The following HPS1 variants were observed in gnomAD, a reference collection of about 807,000 sequenced individuals.
The protein encoded by HPS1 is HPS1 biogenesis of lysosomal organelles complex 3 subunit 1.
HPS1 carries 59 observed loss-of-function variants against 90.6 expected under a neutral mutation model. The ratio of observed to expected loss-of-function variants is 0.65; its 90% CI spans 0.53 to 0.81. The LOEUF is 0.81. HPS1 is among the 30% of genes least tolerant of loss of function. The probability of loss-of-function intolerance (pLI) is 0.00; values close to 1 mark genes in which losing one functional copy is unlikely to be tolerated. For synonymous variants in HPS1, 388 were observed against 384.4 expected, an observed-to-expected ratio of 1.01 and a Z score of -0.11; for missense variants, 849 against 896.7, an observed-to-expected ratio of 0.95 and a Z score of 0.68.
rs1482274657 is a variant in HPS1, at chr10:98,417,131, T to C, written c.*433A>G. ...TTTAAACGTGGGGAATAGAAGAAAC[T>C]TGCCAGGAGGTGCAGAGAGGAAGTG... On this transcript the variant is annotated 3_prime_UTR_variant, in exon 20 of 20. Transcript: ENST00000361490. This position sits in a 1 kb window ranked among gnomAD's most constrained non-coding sequence, Gnocchi z 4.2. 6.3e-6 allele frequency: 1 copy of C among 158,986 alleles called. No individual in the cohort carries two copies. The highest frequency in any genetic ancestry group is 6.3e-5 in the Admixed American group (1 of 15,976). The allele number at this position is 158,986 out of a possible 1,614,324, so 9.8% of individuals were successfully genotyped here.
chr10:98,430,742 T>A, intron 7 of HPS1, 72 bp from the exon 8 acceptor site: 1 of 1,271,142 alleles, frequency 7.9e-7, no homozygotes, highest in Non-Finnish European at 1.1e-6. Context: ...GTTAAAGGAG[T>A]GTGGAGCCTG....
At chr10:98,430,539 G>A (rs1264414364) in intron 8 of HPS1, 32 bp downstream of exon 8, 1 of 1,513,178 alleles carries the variant, frequency 6.6e-7, no homozygotes, top group Non-Finnish European at 9.0e-7. Context: ...CTCCCTAATG[G>A]CCTCCCTCTG....
chr10:98,420,025 A>T lies in HPS1; in HGVS notation c.1857+20T>A, dbSNP rs1397644627. 1 of 1,494,580 alleles carries T rather than the reference A, an allele frequency of 6.7e-7. No homozygotes were observed. Among genetic ancestry groups the T allele is most frequent in the Non-Finnish European group, 9.3e-7 (1 of 1,071,060 alleles). The allele number at this position is 1,494,580 out of a possible 1,614,324, so 92.6% of individuals were successfully genotyped here. Reference sequence around the variant, plus strand: ...AAGTGTGTGTGGCCCGTCCTGGCCCAGGGACTCAGCCTCACCTACCATGTC... The same window carrying T: ...AAGTGTGTGTGGCCCGTCCTGGCCCTGGGACTCAGCCTCACCTACCATGTC... On this transcript the variant is annotated intron_variant, in intron 18 of 19. Transcript: ENST00000361490.
At position 98,443,178 on chromosome 10, in the gene HPS1, C is replaced by A; in HGVS notation, c.63G>T (p.Glu21Asp). The change falls in exon 3 of 20, where the codon GAG becomes GAT. Residue 21 changes from glutamate (E) to aspartate (D), a missense_variant. Physicochemically the swap from Glu to Asp is conservative, Grantham distance 45. Coordinates refer to ENST00000361490, the MANE Select transcript of HPS1 (RefSeq NM_000195.5). ...ACTTCAGCCGGAGACTCTCTTCAAACTCCTGATCTGTCCAGTAGAAGAGGA... is the reference window on the plus strand; with the variant it reads ...ACTTCAGCCGGAGACTCTCTTCAAAATCCTGATCTGTCCAGTAGAAGAGGA... ...AEVLFYWTDQ[E>D]FEESLRLKFG... The A allele has an allele frequency of 1.2e-6, 2 of 1,614,170 alleles. No homozygotes were observed. Among genetic ancestry groups the A allele is most frequent in the African/African-American group, 1.3e-5 (1 of 75,054 alleles).
At chr10:98,430,323 T>C (rs773420005) in intron 8 of HPS1, among the ~76,000 whole-genome samples, 6 of 152,096 alleles carry the variant, frequency 3.9e-5, no homozygotes, top group Non-Finnish European at 7.4e-5. Flanking sequence ...CACAGCCAGG[T>C]GTTGAAGCTG....
At chr10:98,418,600 G>A (rs141931072) in intron 18 of HPS1, among the ~76,000 whole-genome samples, 361 of 152,344 alleles carry the variant, frequency 2.4e-3, no homozygotes, top group African/African-American at 7.9e-3. Flanking sequence ...CCTCTGCTCT[G>A]AAAGAATTGG....
chr10:98,429,594 A>T lies in HPS1; in HGVS notation c.916T>A (p.Ser306Thr). 6.2e-7 allele frequency: 1 copy of T among 1,614,150 alleles called. No individual in the cohort carries two copies. The highest frequency in any genetic ancestry group is 8.5e-7 in the Non-Finnish European group (1 of 1,180,018). Residue 306 changes from serine (S) to threonine (T), a missense_variant, in exon 10 of 20, where the codon TCC becomes ACC. Physicochemically the swap from Ser to Thr is moderately conservative, Grantham distance 58 (BLOSUM62 1). Coordinates refer to ENST00000361490, the MANE Select transcript of HPS1 (RefSeq NM_000195.5). ...LPEEYFTPAP[S>T]PGDQSSGSTI... ...TCACCTGAGCTCTGATCGCCAGGGG[A>T]AGGAGCTGGTGTGAAGTACTCCTCA...
At position 98,417,714 on chromosome 10, in the gene HPS1, G is replaced by T. The variant is rs2136079182; in HGVS notation, c.1953C>A (p.Arg651=). The change falls in exon 20 of 20, where the codon CGC becomes CGA. Residue 651 remains arginine, a synonymous_variant. Transcript: ENST00000361490. This position sits in a 1 kb window ranked among gnomAD's most constrained non-coding sequence, Gnocchi z 4.2. ...CGGTTGGGCGGTTCTTGCTGTAGTA[G>T]CGCAGGAGCTTCCTGGGGAGGAAGG... ...LGGDYYRKLL[R]YYSKNRPTEA... The T allele has an allele frequency of 1.2e-6, 2 of 1,613,804 alleles. No individual in the cohort carries two copies. The highest frequency in any genetic ancestry group is 1.7e-6 in the Non-Finnish European group (2 of 1,179,910).
chr10:98,433,948 T>C, intron 6 of HPS1, 35 bp downstream of exon 6: 1 of 1,550,380 alleles, frequency 6.5e-7, no homozygotes, highest in Non-Finnish European at 8.7e-7. Context: ...ACCTGACAGC[T>C]TCAAGTCCTG....
rs1886728 is a variant in HPS1, at chr10:98,433,922, G to C, written c.507+61C>G. On this transcript the variant is annotated intron_variant, in intron 6 of 19. Coordinates refer to ENST00000361490, the MANE Select transcript of HPS1 (RefSeq NM_000195.5). ...TTAGGGTTAAAACATGGTCTTAAAG[G>C]TGGACGCCCCCTCTGACCTGACAGC... 0.61 allele frequency: 949,496 copies of C among 1,544,292 alleles called. 294,335 individuals are homozygous for C. Among genetic ancestry groups the C allele is most frequent in the South Asian group, 0.78 (64,826 of 83,392 alleles).
At position 98,435,735 on chromosome 10, in the gene HPS1, G is replaced by A; in HGVS notation, c.155C>T (p.Ala52Val). 1 of 1,614,240 alleles carries A rather than the reference G, an allele frequency of 6.2e-7. No homozygotes were observed. The highest frequency in any genetic ancestry group is 1.1e-5 in the South Asian group (1 of 91,084). ...ALEDQLSTLLAPVIISSMTML... is the reference protein window; with the variant it reads ...ALEDQLSTLLVPVIISSMTML... ...CGTCATGGAGGAGATGATGACCGGG[G>A]CTAGGAGGGTGCTGAGCTGGTCCTC... The change falls in exon 4 of 20, where the codon GCC becomes GTC. Residue 52 changes from alanine to valine, a missense_variant. Transcript: ENST00000361490. The surrounding 1 kb of genome is among the most constrained non-coding windows in gnomAD (Gnocchi z 4.3).
downstream of HPS1, chr10:98,414,036 G>GTATATA (rs1337658771): frequency 6.6e-6 from 1 of 151,614 alleles, no homozygotes; most frequent in Non-Finnish European, 1.5e-5. Context: ...GTGTATATGT[G>GTATATA]TATATATATG....
intron 15 of HPS1, 37 bp downstream of exon 15, chr10:98,423,716 C>A (rs1564834650): frequency 6.2e-7 from 1 of 1,614,104 alleles, no homozygotes; most frequent in East Asian, 2.2e-5. Flanking sequence ...GGCCCCAGAC[C>A]CTGCCCTGGC....
chr10:98,423,535 G>T, intron 16 of HPS1, 68 bp downstream of exon 16: 1 of 1,425,462 alleles, frequency 7.0e-7, no homozygotes, highest in Non-Finnish European at 9.9e-7. Flanking sequence ...GTCCCTCCAG[G>T]GAGCAGGTGT....
intron 3 of HPS1, among the ~76,000 whole-genome samples, chr10:98,438,174 C>T (rs537084700): frequency 2.6e-5 from 4 of 152,152 alleles, no homozygotes; most frequent in East Asian, 3.9e-4. Flanking sequence ...GGTACGAAAA[C>T]GGACTGACAC....
rs765017604 is a variant in HPS1 at position 98,431,209 on chromosome 10, G to T, written c.590C>A (p.Thr197Asn). ...CTCCTCGCCTCCCCGCTCGGGGCTG[G>T]TGTTGACAGCCTGGATGACGTGCCG... ...LERHVIQAVN[T>N]SPERGGEEAL... is the part of the protein sequence containing the mutation. The change falls in exon 7 of 20, where the codon ACC (threonine) becomes AAC (asparagine). Residue 197 changes from threonine to asparagine, a missense_variant. Thr to Asn is a moderately conservative substitution (Grantham distance 65). Coordinates refer to ENST00000361490, the MANE Select transcript of HPS1 (RefSeq NM_000195.5). The T allele has an allele frequency of 6.8e-6, 11 of 1,614,056 alleles. No individual in the cohort carries two copies. Among genetic ancestry groups the T allele is most frequent in the Non-Finnish European group, 9.3e-6 (11 of 1,179,988 alleles).
chr10:98,418,007 C>T (rs984933689), intron 19 of HPS1, 168 bp downstream of exon 19: 26 of 641,544 alleles, frequency 4.1e-5, no homozygotes, highest in African/African-American at 2.7e-4. Flanking sequence ...GTACCCTCCA[C>T]ACCCGTCCTC....
At chr10:98,418,018 C>T in intron 19 of HPS1, 157 bp downstream of exon 19, 1 of 658,694 alleles carries the variant, frequency 1.5e-6, no homozygotes, top group Non-Finnish European at 2.7e-6. Context: ...ACCCGTCCTC[C>T]CTCGCTGCAC....
chr10:98,420,923 G>C lies in HPS1; in HGVS notation c.1744-765C>G, dbSNP rs986333929. ...GACCCTGTAGGATGTGCTGAGCCAG[G>C]GGGGAAGTCCAAATCAGAGTTCACC... On this transcript the variant is annotated intron_variant, in intron 17 of 19. Coordinates refer to ENST00000361490, the MANE Select transcript of HPS1 (RefSeq NM_000195.5). Among the ~76,000 whole-genome samples the C allele has an allele frequency of 3.3e-5, 5 of 152,242 alleles. No individual in the cohort carries two copies. The South Asian group carries it at 8.3e-4, about 25-fold the overall frequency.
Sources: allele counts gnomAD v4.1 joint callset (sites outside exome capture counted in the v4.1 genomes callset), GRCh38; gene constraint gnomAD v4.1.1; non-coding constraint Gnocchi (gnomAD v3.1); transcripts MANE v1.5; gene names NCBI Gene and HGNC (gene_info 2026-07-23, HGNC 2026-07-21).